Variants in CBFA2T3 observed in about 807,000 individuals in gnomAD.
The protein encoded by CBFA2T3 is transcriptional corepressor CBFA2T3.
Under a neutral mutation model 58.6 loss-of-function variants are expected in CBFA2T3, and 31 were observed. The ratio of observed to expected loss-of-function variants is 0.53; its 90% confidence interval spans 0.40 to 0.71. The LOEUF (loss-of-function observed/expected upper bound fraction) is 0.71, where lower values mean the gene tolerates loss of function less well. Among genes scored for constraint, CBFA2T3 ranks in the 30% least tolerant of loss-of-function variants. The pLI is 0.00. For missense variants in CBFA2T3, 1,076 were observed against 963.1 expected (o/e 1.12, Z -1.55); for synonymous variants, 531 against 421.9 (o/e 1.26, Z -3.17).
intron 1 of CBFA2T3, among the ~76,000 whole-genome samples, chr16:88,956,385 C>G (rs749260674): frequency 1.1e-4 from 16 of 152,262 alleles, no homozygotes; most frequent in African/African-American, 1.7e-4. Flanking sequence ...CCTGCTCTTC[C>G]CCAGGGGTCT....
rs1427626093 is a variant in CBFA2T3 at position 88,875,790 on chromosome 16, C to T, written c.*1186G>A. ...GTTTTGTTTCGGAATTATGCTCTCT[C>T]TGGGAAGAAAACTTTAGCACTTTTT... On this transcript the variant is annotated 3_prime_UTR_variant, in exon 12 of 12. Transcript: ENST00000268679. The T allele has an allele frequency of 1.3e-5, 3 of 233,484 alleles. No individual in the cohort carries two copies. The highest frequency in any genetic ancestry group is 2.5e-5 in the Non-Finnish European group (3 of 118,062). The allele number at this position is 233,484 out of a possible 1,614,324, so 14.5% of individuals were successfully genotyped here.
chr16:88,890,465 G>A (rs557170950), intron 5 of CBFA2T3, among the ~76,000 whole-genome samples: 2 of 152,326 alleles, frequency 1.3e-5, no homozygotes, highest in East Asian at 1.9e-4. Flanking sequence ...GCCCGAAGGT[G>A]TGGCCAGGCT....
chr16:88,970,708 C>T (rs1972631750), intron 1 of CBFA2T3, among the ~76,000 whole-genome samples: 2 of 152,212 alleles, frequency 1.3e-5, no homozygotes, highest in South Asian at 2.1e-4. Context: ...ACCAGGAGCA[C>T]GGAGGCCTCG....
chr16:88,904,240 C>G (rs577270083), intron 1 of CBFA2T3, among the ~76,000 whole-genome samples: 72 of 152,174 alleles, frequency 4.7e-4, no homozygotes, highest in Middle Eastern at 3.2e-3. Context: ...TGTCCCTTTA[C>G]TTCAGAGGCC....
chr16:88,902,690 C>T (rs925983006), intron 1 of CBFA2T3, among the ~76,000 whole-genome samples: 23 of 152,208 alleles, frequency 1.5e-4, no homozygotes, highest in African/African-American at 5.6e-4. Flanking sequence ...AGGGCCTCCC[C>T]ATTTATCTTA....
chr16:88,938,891 C>G (rs539184136), intron 1 of CBFA2T3: 2 of 152,302 alleles, frequency 1.3e-5, no homozygotes, highest in East Asian at 3.9e-4. Context: ...AGGGGGGAGG[C>G]CAGCGGAGAG....
intron 1 of CBFA2T3, among the ~76,000 whole-genome samples, chr16:88,908,356 GGAAAA>G (rs1206895618): frequency 2.0e-5 from 3 of 150,270 alleles, no homozygotes; most frequent in Admixed American, 1.3e-4. Flanking sequence ...AAAAAAAAAA[GGAAAA>G]GAAAAAGAAA....
At chr16:88,923,921 G>A (rs1328165673) in intron 1 of CBFA2T3, among the ~76,000 whole-genome samples, 2 of 152,248 alleles carry the variant, frequency 1.3e-5, no homozygotes, top group Non-Finnish European at 2.9e-5. Flanking sequence ...GGACTTTGGA[G>A]CATAGATCAC....
chr16:88,976,634 C>A, intron 1 of CBFA2T3, 23 bp downstream of exon 1: 1 of 1,532,858 alleles, frequency 6.5e-7, no homozygotes, highest in African/African-American at 1.4e-5. Context: ...CCCACCCCAC[C>A]ACCTTCCCCT....
At chr16:88,889,837 G>C (rs186213855) in intron 5 of CBFA2T3, among the ~76,000 whole-genome samples, 17 of 137,696 alleles carry the variant, frequency 1.2e-4, no homozygotes, top group Non-Finnish European at 2.6e-4. Flanking sequence ...ACGATGCCCC[G>C]CGATTCCTCC....
chr16:88,924,640 C>T (rs1246377244), intron 1 of CBFA2T3, among the ~76,000 whole-genome samples: 1 of 152,210 alleles, frequency 6.6e-6, no homozygotes, highest in Non-Finnish European at 1.5e-5. Flanking sequence ...AGCCTTGTGG[C>T]TCCCAGAGGC....
intron 1 of CBFA2T3, among the ~76,000 whole-genome samples, chr16:88,926,248 AGT>A (rs3051448): frequency 0.28 from 42,262 of 152,030 alleles, 6,810 homozygotes; most frequent in Middle Eastern, 0.48. Context: ...AGAGGCGAGG[AGT>A]GAATCTGGGT....
rs143660068 is a variant in CBFA2T3 at position 88,876,356 on chromosome 16, G to C, written c.*620C>G. ...AATCGAAATCTTTCCTCCCGTCTTC[G>C]CTGATCAGCCTCACGCCCCTGGGGG... On this transcript the variant is annotated 3_prime_UTR_variant, in exon 12 of 12. Coordinates refer to ENST00000268679, the MANE Select transcript of CBFA2T3 (RefSeq NM_005187.6). The C allele has an allele frequency of 4.4e-6, 1 of 228,762 alleles. No homozygotes were observed. The highest frequency in any genetic ancestry group is 8.7e-6 in the Non-Finnish European group (1 of 115,288). 14.2% of individuals were successfully genotyped at this position (228,762 alleles called of 1,614,324 possible). A position where few individuals can be genotyped will look rare whatever the true frequency, so the allele number is the denominator to read the frequency against.
At chr16:88,973,660 A>G (rs1294769953) in intron 1 of CBFA2T3, among the ~76,000 whole-genome samples, 1 of 152,112 alleles carries the variant, frequency 6.6e-6, no homozygotes, top group Non-Finnish European at 1.5e-5. Flanking sequence ...CAGACCCACA[A>G]CATTCCAGAG....
In CBFA2T3 at chr16:88,875,829, A is replaced by G. The variant is rs1968811748; in HGVS notation, c.*1147T>C. On this transcript the variant is annotated 3_prime_UTR_variant, in exon 12 of 12. Coordinates refer to ENST00000268679, the MANE Select transcript of CBFA2T3 (RefSeq NM_005187.6). ...TTAGCACTTTTTTTCCACAAGTGGA[A>G]AACGGAAATATGAAAAGTCACAGGG... The G allele has an allele frequency of 4.3e-6, 1 of 233,312 alleles. No individual in the cohort carries two copies. Among genetic ancestry groups the G allele is most frequent in the African/African-American group, 2.2e-5 (1 of 45,316 alleles). The allele number at this position is 233,312 out of a possible 1,614,324, so 14.5% of individuals were successfully genotyped here.
At chr16:88,886,704 C>G (rs1187053295) in intron 5 of CBFA2T3, 1 of 152,522 alleles carries the variant, frequency 6.6e-6, no homozygotes, top group Non-Finnish European at 1.5e-5. Context: ...TTCAGCTTCC[C>G]CTTCCCTTCC....
intron 1 of CBFA2T3, among the ~76,000 whole-genome samples, chr16:88,956,259 G>A (rs932891130): frequency 1.3e-5 from 2 of 152,276 alleles, no homozygotes; most frequent in South Asian, 2.1e-4. Context: ...CGCGTGTGAC[G>A]GAGGGCGAAG....
At position 88,896,776 on chromosome 16, in the gene CBFA2T3, C is replaced by T. The variant is rs563244600; in HGVS notation, c.379+1302G>A. ...ACGCGCCACAGTGCACGCCGGGGCC[C>T]CTGCCCACCGCCCCGGCCAGCCTGG... On this transcript the variant is annotated intron_variant, in intron 3 of 11. Transcript: ENST00000268679. Among the ~76,000 whole-genome samples the T allele has an allele frequency of 7.2e-5, 11 of 152,300 alleles. No individual in the cohort carries two copies. The East Asian group carries it at 2.1e-3, about 29-fold the overall frequency.
chr16:88,937,639 C>G (rs993171750), intron 1 of CBFA2T3: 14 of 152,336 alleles, frequency 9.2e-5, no homozygotes, highest in African/African-American at 3.4e-4. Context: ...CTCGGCTTCC[C>G]GGTCTGGAAA....
Sources: gnomAD v4.1 joint callset for allele counts (sites outside exome capture counted in the v4.1 genomes callset) on GRCh38, gnomAD v4.1.1 for gene constraint, MANE v1.5 for transcripts, NCBI Gene and HGNC (gene_info 2026-07-23, HGNC 2026-07-21) for gene names.